Variants in CACNA1B observed in about 807,000 individuals in gnomAD.
The protein encoded by CACNA1B is voltage-dependent N-type calcium channel subunit alpha-1B.
Under a neutral mutation model 247.2 loss-of-function variants are expected in CACNA1B, and 70 were observed. That is an observed-to-expected ratio of 0.28 (90% confidence interval 0.23 to 0.35). The LOEUF (loss-of-function observed/expected upper bound fraction) is 0.35, where lower values mean the gene tolerates loss of function less well. CACNA1B is among the 10% of genes least tolerant of loss of function. The pLI, the probability that CACNA1B is intolerant of heterozygous loss-of-function variation, is 1.00. For synonymous variants in CACNA1B, 1,231 were observed against 1,294.4 expected, an observed-to-expected ratio of 0.95 and a Z score of 1.05; for missense variants, 2,367 against 3,197.4, an observed-to-expected ratio of 0.74 and a Z score of 6.26.
Position 137,914,868 on chromosome 9 carries a change from G to A in CACNA1B, c.775+62G>A. ...CCACGGATGCGTTCATCCAGGAGATGGGCACTGTTCTAGGTGCTAGAGGGG... is the reference window on the plus strand; with the variant it reads ...CCACGGATGCGTTCATCCAGGAGATAGGCACTGTTCTAGGTGCTAGAGGGG... On this transcript the variant is annotated intron_variant, in intron 5 of 46. Transcript: ENST00000371372. This position sits in a 1 kb window ranked among gnomAD's most constrained non-coding sequence, Gnocchi z 4.3. 6.3e-7 allele frequency: 1 copy of A among 1,587,376 alleles called. No individual in the cohort carries two copies. The highest frequency in any genetic ancestry group is 1.7e-5 in the Admixed American group (1 of 57,512).
chr9:137,947,975 CTTTTTTTTT>C (rs71387878), intron 6 of CACNA1B, among the ~76,000 whole-genome samples: 4 of 79,418 alleles, frequency 5.0e-5, no homozygotes, highest in Admixed American at 1.4e-4. Flanking sequence ...TTCAGCATTC[CTTTTTTTTT>C]TTTTTTTTTT....
At chr9:137,970,707 T>A (rs1295066314) in intron 10 of CACNA1B, among the ~76,000 whole-genome samples, 1 of 151,964 alleles carries the variant, frequency 6.6e-6, no homozygotes, top group East Asian at 1.9e-4. Flanking sequence ...ATTTCACACT[T>A]GGGATATTGT....
chr9:138,112,258 C>A, intron 39 of CACNA1B, 140 bp from the exon 40 acceptor site: 1 of 648,436 alleles, frequency 1.5e-6, no homozygotes, highest in Non-Finnish European at 2.8e-6. Context: ...CCACTGCACC[C>A]TCCTTCCAGC....
chr9:138,045,682 C>T lies in CACNA1B; in HGVS notation c.3414-1222C>T, dbSNP rs1959176640. 3.3e-5 allele frequency among the ~76,000 whole-genome samples: 5 copies of T among 152,236 alleles called. No individual in the cohort carries two copies. In the South Asian group the frequency reaches 1.0e-3, roughly 32 times the overall value. ...TTAGGATCTGAGCTGGGGGCTAGAG[C>T]TGAGTGCCAGAAACCCAGACACAAG... On this transcript the variant is annotated intron_variant, in intron 21 of 46. Coordinates refer to ENST00000371372, the MANE Select transcript of CACNA1B (RefSeq NM_000718.4).
intron 18 of CACNA1B, among the ~76,000 whole-genome samples, chr9:138,021,171 G>C (rs1340364598): frequency 6.6e-6 from 1 of 152,218 alleles, no homozygotes; most frequent in Non-Finnish European, 1.5e-5. Flanking sequence ...AGCTGGGGTT[G>C]GTGGGTCTTC....
At chr9:138,026,568 C>T (rs1259101285) in intron 20 of CACNA1B, among the ~76,000 whole-genome samples, 1 of 152,206 alleles carries the variant, frequency 6.6e-6, no homozygotes, top group Admixed American at 6.5e-5. Flanking sequence ...TAGCAATATG[C>T]ACTTAAGTTT....
chr9:138,076,632 G>A (rs756319130), intron 35 of CACNA1B, among the ~76,000 whole-genome samples: 1 of 152,220 alleles, frequency 6.6e-6, no homozygotes, highest in Non-Finnish European at 1.5e-5. Context: ...CAGGAGCTAT[G>A]GGCCATCCTG....
chr9:137,901,791 A>C (rs1291708919), intron 3 of CACNA1B, among the ~76,000 whole-genome samples: 1 of 148,096 alleles, frequency 6.8e-6, no homozygotes, highest in Non-Finnish European at 1.5e-5. Flanking sequence ...CAGGGTTCAC[A>C]TGATTCTCCT....
intron 3 of CACNA1B, among the ~76,000 whole-genome samples, chr9:137,892,899 T>C (rs1419539579): frequency 6.6e-6 from 1 of 152,190 alleles, no homozygotes; most frequent in East Asian, 1.9e-4. Flanking sequence ...CCGCCGTGTT[T>C]CCATTGGCAT....
At chr9:138,084,868 C>T (rs1013461644) in intron 36 of CACNA1B, among the ~76,000 whole-genome samples, 3 of 150,092 alleles carry the variant, frequency 2.0e-5, no homozygotes. Context: ...AAGAGAATGG[C>T]ATGAACCTGG....
rs1961294688 is a variant in CACNA1B at position 138,102,727 on chromosome 9, A to G, written c.5239A>G (p.Asn1747Asp). The change falls in exon 38 of 47, where the codon AAT becomes GAT. Residue 1747 changes from asparagine to aspartate, a missense_variant. Around this residue, in one of 12 missense-constraint regions of CACNA1B, gnomAD observed 55 missense variants for 107.8 expected, o/e 0.51. Coordinates refer to ENST00000371372, the MANE Select transcript of CACNA1B (RefSeq NM_000718.4). This position sits in a 1 kb window ranked among gnomAD's most constrained non-coding sequence, Gnocchi z 5.4. ...DPAACGRISY[N>D]DMFEMLKHMS... ...GGTTTCCAGTGGGCGCATCAGTTAC[A>G]ATGACATGTTTGAGATGCTGAAACA... 2.5e-6 allele frequency: 4 copies of G among 1,611,940 alleles called. No individual in the cohort carries two copies. Among genetic ancestry groups the G allele is most frequent in the African/African-American group, 2.7e-5 (2 of 74,810 alleles).
intron 10 of CACNA1B, among the ~76,000 whole-genome samples, chr9:137,967,664 G>A (rs960308389): frequency 6.6e-6 from 1 of 152,078 alleles, no homozygotes; most frequent in African/African-American, 2.4e-5. Flanking sequence ...ACTGAGGAGC[G>A]AGATCCAGGC....
intron 44 of CACNA1B, among the ~76,000 whole-genome samples, chr9:138,119,403 G>A (rs1011182416): frequency 5.9e-5 from 9 of 152,188 alleles, no homozygotes; most frequent in East Asian, 1.9e-4. Flanking sequence ...CCGAGGCCTC[G>A]GAGGAGCTGC....
At chr9:137,987,546 G>A (rs908283442) in intron 15 of CACNA1B, among the ~76,000 whole-genome samples, 1 of 152,164 alleles carries the variant, frequency 6.6e-6, no homozygotes, top group African/African-American at 2.4e-5. Context: ...CTGTTGTCTT[G>A]CCTGTGATGC....
In CACNA1B at chr9:138,052,038, G is replaced by A; in HGVS notation, c.3711-54G>A. 1 of 1,045,086 alleles carries A rather than the reference G, an allele frequency of 9.6e-7. No individual in the cohort carries two copies. Among genetic ancestry groups the A allele is most frequent in the South Asian group, 1.3e-5 (1 of 75,396 alleles). 64.7% of individuals were successfully genotyped at this position (1,045,086 alleles called of 1,614,324 possible). ...TCAGACCCTGGGGGGCCACGTGGGA[G>A]CTGGGCACACCCATGCCTCCTGCCT... On this transcript the variant is annotated intron_variant, in intron 24 of 46. Coordinates refer to ENST00000371372, the MANE Select transcript of CACNA1B (RefSeq NM_000718.4). The surrounding 1 kb of genome is among the most constrained non-coding windows in gnomAD (Gnocchi z 5.1).
At chr9:138,065,322 T>C (rs1959878263) in intron 31 of CACNA1B, among the ~76,000 whole-genome samples, 1 of 152,060 alleles carries the variant, frequency 6.6e-6, no homozygotes, top group Admixed American at 6.5e-5. Context: ...TCAGGCTGTA[T>C]GAAAACTCGA....
intron 6 of CACNA1B, among the ~76,000 whole-genome samples, chr9:137,938,384 A>G (rs1957694157): frequency 6.6e-6 from 1 of 152,238 alleles, no homozygotes; most frequent in Admixed American, 6.5e-5. Flanking sequence ...AACAAGTAGT[A>G]TGATGACTAG....
chr9:137,949,200 GTGTCT>G (rs1957843905), intron 6 of CACNA1B, among the ~76,000 whole-genome samples: 2 of 151,674 alleles, frequency 1.3e-5, no homozygotes, highest in East Asian at 2.0e-4. Flanking sequence ...TGGTGTATGT[GTGTCT>G]GGTATGTGTG....
intron 10 of CACNA1B, among the ~76,000 whole-genome samples, chr9:137,967,121 CCTTG>C (rs1224487472): frequency 2.0e-5 from 3 of 152,114 alleles, no homozygotes; most frequent in Admixed American, 6.5e-5. Context: ...TCCTCTCCTC[CCTTG>C]CTTATTTTTA....
Sources: gnomAD v4.1 joint callset for allele counts (sites outside exome capture counted in the v4.1 genomes callset) on GRCh38, gnomAD v4.1.1 for gene constraint, gnomAD v4.1.1 regional missense constraint, Gnocchi (gnomAD v3.1) non-coding constraint, MANE v1.5 for transcripts, NCBI Gene and HGNC (gene_info 2026-07-23, HGNC 2026-07-21) for gene names.